Variants in ASAP2 observed in about 807,000 individuals in gnomAD.
ASAP2 encodes ArfGAP with SH3 domain, ankyrin repeat and PH domain 2.
ASAP2 carries 45 observed loss-of-function variants against 131.4 expected under a neutral mutation model. The observed-to-expected ratio is 0.34, with a 90% CI of 0.27 to 0.44. ASAP2 has a LOEUF of 0.44. Ranked by LOEUF, ASAP2 falls within the 20% of genes least tolerant of loss-of-function variation. The pLI is 1.00. For missense variants in ASAP2, 1,011 were observed against 1,297.0 expected (o/e 0.78, Z 3.39); for synonymous variants, 510 against 503.0 (o/e 1.01, Z -0.19).
rs1211672485 is a variant in ASAP2 at position 9,392,884 on chromosome 2, C to G, written c.2519-598C>G. On this transcript the variant is annotated intron_variant, in intron 23 of 27. Coordinates refer to ENST00000281419, the MANE Select transcript of ASAP2 (RefSeq NM_003887.3). The surrounding 1 kb of genome is among the most constrained non-coding windows in gnomAD (Gnocchi z 4.0). ...GGAGACTTGGACTCACAGCCTCCCT[C>G]CAGGTCTTACCAGCTCTGCCACCCT... 1.3e-5 allele frequency among the ~76,000 whole-genome samples: 2 copies of G among 152,180 alleles called. No homozygotes were observed. Among genetic ancestry groups the G allele is most frequent in the African/African-American group, 2.4e-5 (1 of 41,452 alleles).
chr2:9,381,215 A>G (rs544644185), intron 20 of ASAP2, among the ~76,000 whole-genome samples: 1 of 152,220 alleles, frequency 6.6e-6, no homozygotes, highest in South Asian at 2.1e-4. Flanking sequence ...TGGGTTGCTC[A>G]ATACCATCTT....
At chr2:9,244,671 C>A (rs1664214699) in intron 1 of ASAP2, among the ~76,000 whole-genome samples, 1 of 152,192 alleles carries the variant, frequency 6.6e-6, no homozygotes, top group Admixed American at 6.5e-5. Flanking sequence ...CTAACCTGGG[C>A]TTTTACTACC....
intron 18 of ASAP2, 148 bp downstream of exon 18, chr2:9,377,141 G>GCC (rs1674467312): frequency 4.4e-6 from 3 of 687,206 alleles, no homozygotes; most frequent in Non-Finnish European, 4.8e-6. Flanking sequence ...AGGACTGCCA[G>GCC]GTGTGAGGTA....
chr2:9,379,795 C>T lies in ASAP2; in HGVS notation c.1948+736C>T, dbSNP rs143739667. On this transcript the variant is annotated intron_variant, in intron 19 of 27. Coordinates refer to ENST00000281419, the MANE Select transcript of ASAP2 (RefSeq NM_003887.3). ...GGCTCACGAGGTCAAGAGATCGAGACCATCTGGCCAACATGGTGAAACCCT... is the reference window on the plus strand; with the variant it reads ...GGCTCACGAGGTCAAGAGATCGAGATCATCTGGCCAACATGGTGAAACCCT... 6.0e-3 allele frequency among the ~76,000 whole-genome samples: 915 copies of T among 152,118 alleles called. 7 individuals carry two copies. Among genetic ancestry groups the T allele is most frequent in the African/African-American group, 0.021 (866 of 41,478 alleles).
At chr2:9,352,594 T>G (rs1672429910) in intron 12 of ASAP2, among the ~76,000 whole-genome samples, 1 of 152,204 alleles carries the variant, frequency 6.6e-6, no homozygotes, top group Non-Finnish European at 1.5e-5. Context: ...CTCCACCTTT[T>G]TACAACACAG....
intron 3 of ASAP2, among the ~76,000 whole-genome samples, chr2:9,305,346 A>G (rs1668814185): frequency 7.2e-6 from 1 of 138,618 alleles, no homozygotes. Flanking sequence ...GTAGTGGGGT[A>G]TAGATATTGG....
chr2:9,275,394 G>A (rs995071164), intron 1 of ASAP2, among the ~76,000 whole-genome samples: 1 of 152,066 alleles, frequency 6.6e-6, no homozygotes, highest in Non-Finnish European at 1.5e-5. Context: ...TTCTTAGCAC[G>A]GTTGACCCAA....
chr2:9,282,121 G>A (rs1474673637), intron 2 of ASAP2, among the ~76,000 whole-genome samples: 1 of 152,214 alleles, frequency 6.6e-6, no homozygotes, highest in African/African-American at 2.4e-5. Context: ...GACAGGGCTG[G>A]GATTTTAACG....
chr2:9,277,256 C>T (rs758454095), intron 1 of ASAP2, among the ~76,000 whole-genome samples: 1 of 152,222 alleles, frequency 6.6e-6, no homozygotes, highest in Non-Finnish European at 1.5e-5. Context: ...CAGCCCTGAG[C>T]ACAACCTCAG....
intron 9 of ASAP2, among the ~76,000 whole-genome samples, chr2:9,340,305 G>A (rs1001671228): frequency 2.0e-5 from 3 of 152,172 alleles, no homozygotes; most frequent in Admixed American, 6.5e-5. Context: ...ACAGGCATGA[G>A]CCACCGCGCC....
chr2:9,239,515 A>T (rs1263519902), intron 1 of ASAP2, among the ~76,000 whole-genome samples: 3 of 152,152 alleles, frequency 2.0e-5, no homozygotes, highest in African/African-American at 7.2e-5. Context: ...TGAACTCATT[A>T]CTTCTTATAA....
At chr2:9,222,718 A>G (rs946835175) in intron 1 of ASAP2, among the ~76,000 whole-genome samples, 3 of 151,962 alleles carry the variant, frequency 2.0e-5, no homozygotes, top group Non-Finnish European at 2.9e-5. Context: ...TTTGATTTGG[A>G]AGAGGTGCCG....
intron 17 of ASAP2, among the ~76,000 whole-genome samples, chr2:9,376,611 G>A (rs1265499800): frequency 6.6e-6 from 1 of 152,230 alleles, no homozygotes; most frequent in African/African-American, 2.4e-5. Context: ...GCAGGGATCT[G>A]CCTTGTGGTG....
intron 19 of ASAP2, among the ~76,000 whole-genome samples, chr2:9,380,522 A>G (rs988823654): frequency 1.3e-5 from 2 of 152,178 alleles, no homozygotes; most frequent in African/African-American, 2.4e-5. Flanking sequence ...GATTAGTTCA[A>G]ACTTCATCTT....
chr2:9,328,798 A>G (rs553155168), intron 7 of ASAP2, among the ~76,000 whole-genome samples: 14 of 152,370 alleles, frequency 9.2e-5, no homozygotes, highest in African/African-American at 3.4e-4. Flanking sequence ...ACAGTGATGT[A>G]CAGTGCTGGC....
intron 7 of ASAP2, among the ~76,000 whole-genome samples, chr2:9,328,807 G>A (rs899265147): frequency 1.3e-5 from 2 of 152,172 alleles, no homozygotes; most frequent in Admixed American, 6.5e-5. Flanking sequence ...TACAGTGCTG[G>A]CATAGTTCCT....
At chr2:9,323,372 C>T in intron 6 of ASAP2, 122 bp downstream of exon 6, 2 of 1,413,190 alleles carry the variant, frequency 1.4e-6, no homozygotes, top group Non-Finnish European at 1.9e-6. Context: ...GCTGGACTCC[C>T]TTTGCCCCTG....
rs1022618529 is a variant in ASAP2, at chr2:9,311,962, T to C, written c.346-6562T>C. 1.3e-5 allele frequency among the ~76,000 whole-genome samples: 2 copies of C among 152,252 alleles called. No homozygotes were observed. The highest frequency in any genetic ancestry group is 4.8e-5 in the African/African-American group (2 of 41,466). On this transcript the variant is annotated intron_variant, in intron 3 of 27. Transcript: ENST00000281419. This position sits in a 1 kb window ranked among gnomAD's most constrained non-coding sequence, Gnocchi z 5.2. ...TCCAGGAGTCTGGAAGCTTTATTAG[T>C]GAAGCCATCGATGGGGATTCTATTT...
chr2:9,302,461 A>T (rs551977045), intron 3 of ASAP2, among the ~76,000 whole-genome samples: 1 of 150,598 alleles, frequency 6.6e-6, no homozygotes, highest in East Asian at 2.0e-4. Flanking sequence ...ATGAGCCACC[A>T]TGCCTGGCCA....
Sources: allele counts gnomAD v4.1 joint callset (sites outside exome capture counted in the v4.1 genomes callset), GRCh38; gene constraint gnomAD v4.1.1; non-coding constraint Gnocchi (gnomAD v3.1); transcripts MANE v1.5; gene names NCBI Gene and HGNC (gene_info 2026-07-23, HGNC 2026-07-21).